PARD6G: variants seen among roughly 807,000 people sequenced by gnomAD.
The protein encoded by PARD6G is par-6 family cell polarity regulator gamma, also known as partitioning defective 6 homolog gamma.
PARD6G carries 7 observed loss-of-function variants against 10.7 expected under a neutral mutation model. That is an observed-to-expected ratio of 0.66 (90% CI 0.37 to 1.23). PARD6G has a LOEUF of 1.23. Among genes scored for constraint, PARD6G ranks in the 50% most tolerant of loss-of-function variants. PARD6G has a pLI of 0.02. For missense variants in PARD6G, 548 were observed against 571.8 expected, an observed-to-expected ratio of 0.96 and a Z score of 0.42; for synonymous variants, 287 against 269.4, an observed-to-expected ratio of 1.07 and a Z score of -0.64.
At chr18:80,197,811 A>AC (rs1049058811) in intron 2 of PARD6G, among the ~76,000 whole-genome samples, 2 of 152,200 alleles carry the variant, frequency 1.3e-5, no homozygotes, top group African/African-American at 2.4e-5. Context: ...ACATTCCTGC[A>AC]CCCTTGGGGA....
chr18:80,193,506 C>G (rs1349445477), intron 2 of PARD6G, among the ~76,000 whole-genome samples: 1 of 152,140 alleles, frequency 6.6e-6, no homozygotes, highest in African/African-American at 2.4e-5. Context: ...ATACAAAATG[C>G]TTTAATGGGT....
Position 80,236,441 on chromosome 18 carries a change from C to G in PARD6G, c.72+10836G>C, listed in dbSNP as rs185193546. Among the ~76,000 whole-genome samples, 58 of 152,254 alleles carry G rather than the reference C, an allele frequency of 3.8e-4. 1 individual carries two copies. The Middle Eastern group carries it at 0.017, about 45-fold the overall frequency. On this transcript the variant is annotated intron_variant, in intron 1 of 2. Transcript: ENST00000353265. ...GAAGCATTCCCTTTGAAAACTGGCA[C>G]AAGACAGGGATGCCCTCCCTCACCA...
intron 1 of PARD6G, among the ~76,000 whole-genome samples, chr18:80,221,881 CTG>C (rs1435392226): frequency 6.6e-6 from 1 of 152,124 alleles, no homozygotes; most frequent in Non-Finnish European, 1.5e-5. Context: ...CAAAAATAAA[CTG>C]TATTTCTAAG....
At chr18:80,202,361 T>G (rs1967015834) in intron 2 of PARD6G, among the ~76,000 whole-genome samples, 2 of 152,122 alleles carry the variant, frequency 1.3e-5, no homozygotes, top group Non-Finnish European at 2.9e-5. Flanking sequence ...TGCTCCCTCC[T>G]CCTAACAAGA....
At chr18:80,208,695 G>C (rs1967078685) in intron 1 of PARD6G, among the ~76,000 whole-genome samples, 1 of 152,022 alleles carries the variant, frequency 6.6e-6, no homozygotes, top group South Asian at 2.1e-4. Context: ...TTGAGCCCAG[G>C]AGTTCCAGGT....
At chr18:80,195,580 T>TATATATATATATATGTA (rs1217519591) in intron 2 of PARD6G, among the ~76,000 whole-genome samples, 3 of 134,336 alleles carry the variant, frequency 2.2e-5, no homozygotes, top group Non-Finnish European at 4.7e-5. Flanking sequence ...TATACACACA[T>TATATATATATATATGTA]TTTTTTTTCT....
chr18:80,238,092 CA>C (rs1967445304), intron 1 of PARD6G, among the ~76,000 whole-genome samples: 1 of 152,184 alleles, frequency 6.6e-6, no homozygotes, highest in Admixed American at 6.5e-5. Flanking sequence ...GACTTGGAAC[CA>C]ACCTAAATGT....
At chr18:80,179,598 A>G (rs1012489119) in intron 2 of PARD6G, among the ~76,000 whole-genome samples, 2 of 152,202 alleles carry the variant, frequency 1.3e-5, no homozygotes, top group Non-Finnish European at 2.9e-5. Context: ...AGACTTGCAG[A>G]GCCAAGAGGA....
At chr18:80,179,223 ATTTTTTT>A (rs34650022) in intron 2 of PARD6G, among the ~76,000 whole-genome samples, 2 of 139,270 alleles carry the variant, frequency 1.4e-5, no homozygotes, top group African/African-American at 5.5e-5. Flanking sequence ...GGCTGCAGTC[ATTTTTTT>A]TTTTTTTTTC....
At position 80,159,745 on chromosome 18, in the gene PARD6G, C is replaced by T; in HGVS notation, c.*26G>A. 7.3e-7 allele frequency: 1 copy of T among 1,376,308 alleles called. No individual in the cohort carries two copies. The highest frequency in any genetic ancestry group is 9.4e-7 in the Non-Finnish European group (1 of 1,064,480). 85.3% of individuals were successfully genotyped at this position (1,376,308 alleles called of 1,614,324 possible). On this transcript the variant is annotated 3_prime_UTR_variant, in exon 3 of 3. Transcript: ENST00000353265. ...CCCTGTCCTTACCGGGGAACTGGAG[C>T]TAGGATTTGGGGGCCTCTCGGGAGT...
chr18:80,205,889 T>G (rs923142197), intron 1 of PARD6G, among the ~76,000 whole-genome samples: 1 of 152,216 alleles, frequency 6.6e-6, no homozygotes, highest in Non-Finnish European at 1.5e-5. Context: ...ATAAGATAAT[T>G]TAATCATGTC....
intron 2 of PARD6G, chr18:80,185,041 T>C (rs1278958978): frequency 1.3e-5 from 2 of 152,210 alleles, no homozygotes; most frequent in Non-Finnish European, 2.9e-5. Context: ...GAATGTCTTT[T>C]AAGAGAGAGA....
At chr18:80,186,418 CATATGCCCTCACATATGCTT>C in intron 2 of PARD6G, among the ~76,000 whole-genome samples, 10 of 142,048 alleles carry the variant, frequency 7.0e-5, no homozygotes, top group African/African-American at 2.9e-4. Flanking sequence ...CTCACACACG[CATATGCCCTCACATATGCTT>C]GCACACCCAC....
At position 80,247,413 on chromosome 18, in the gene PARD6G, G is replaced by GGGCGGCGCCCCCAGGC. The variant is rs1295600335; in HGVS notation, c.-81_-66dup. ...TCAGGGGCCGCAGAAAGACTCCCGG[G>GGGCGGCGCCCCCAGGC]GGCGGCGCCCCCAGGCCCCGGCCCC... On this transcript the variant is annotated 5_prime_UTR_variant, in exon 1 of 3. Transcript: ENST00000353265. The surrounding 1 kb of genome is among the most constrained non-coding windows in gnomAD (Gnocchi z 4.2). 2.2e-6 allele frequency: 3 copies of GGGCGGCGCCCCCAGGC among 1,382,804 alleles called. No homozygotes were observed. The African/African-American group carries it at 4.5e-5, about 21-fold the overall frequency. The allele number at this position is 1,382,804 out of a possible 1,614,324, so 85.7% of individuals were successfully genotyped here. A position where few individuals can be genotyped will look rare whatever the true frequency, so the allele number is the denominator to read the frequency against.
chr18:80,216,795 A>G (rs1264777678), intron 1 of PARD6G, among the ~76,000 whole-genome samples: 3 of 152,206 alleles, frequency 2.0e-5, no homozygotes, highest in African/African-American at 4.8e-5. Flanking sequence ...GACTCAAAAA[A>G]CAGAGAAAGT....
At position 80,158,957 on chromosome 18, in the gene PARD6G, A is replaced by G. The variant is rs2052674658; in HGVS notation, c.*814T>C. The G allele has an allele frequency of 6.6e-6, 1 of 151,620 alleles. No individual in the cohort carries two copies. 9.4% of individuals were successfully genotyped at this position (151,620 alleles called of 1,614,324 possible). A position where few individuals can be genotyped will look rare whatever the true frequency, so the allele number is the denominator to read the frequency against. On this transcript the variant is annotated 3_prime_UTR_variant, in exon 3 of 3. Transcript: ENST00000353265. ...TGAACAGTGTGAAAATCTGGAATTC[A>G]TCTCCATGGTTGTACATGGACAGGT...
intron 1 of PARD6G, among the ~76,000 whole-genome samples, chr18:80,242,985 A>T (rs1287775065): frequency 6.6e-6 from 1 of 152,204 alleles, no homozygotes; most frequent in African/African-American, 2.4e-5. Context: ...AACTTTCCAG[A>T]AGAAAAGTAG....
chr18:80,186,266 A>G (rs1014767415), intron 2 of PARD6G, among the ~76,000 whole-genome samples: 2 of 131,804 alleles, frequency 1.5e-5, no homozygotes, highest in Admixed American at 7.8e-5. Flanking sequence ...ATGCACCCAC[A>G]CATGCATACA....
At chr18:80,204,503 T>C (rs1241547612) in intron 1 of PARD6G, among the ~76,000 whole-genome samples, 1 of 151,856 alleles carries the variant, frequency 6.6e-6, no homozygotes, top group Non-Finnish European at 1.5e-5. Context: ...ACTGAATTGC[T>C]CAAGAACAAA....
Sources: gnomAD v4.1 joint callset for allele counts (sites outside exome capture counted in the v4.1 genomes callset) on GRCh38, gnomAD v4.1.1 for gene constraint, Gnocchi (gnomAD v3.1) non-coding constraint, MANE v1.5 for transcripts, NCBI Gene and HGNC (gene_info 2026-07-23, HGNC 2026-07-21) for gene names.